The following RNLS variants were observed in gnomAD, a reference collection of about 807,000 sequenced individuals.
The protein encoded by RNLS is renalase.
In RNLS, 39 loss-of-function variants were observed where a neutral mutation model predicts 39.8. The observed-to-expected ratio is 0.98, with a 90% CI of 0.76 to 1.28. The LOEUF is 1.28. Ranked by LOEUF, RNLS falls within the 50% of genes most tolerant of loss-of-function variation. The pLI, the probability that RNLS is intolerant of heterozygous loss-of-function variation, is 0.00. For synonymous variants in RNLS, 147 were observed against 150.7 expected (o/e 0.98, Z 0.18); for missense variants, 410 against 413.3 (o/e 0.99, Z 0.07).
At chr10:88,412,446 A>G (rs911626846) in intron 4 of RNLS, among the ~76,000 whole-genome samples, 1 of 152,114 alleles carries the variant, frequency 6.6e-6, no homozygotes, top group Non-Finnish European at 1.5e-5. Context: ...CTACACTAAT[A>G]TCTCTGTGGT....
the RNLS span, among the ~76,000 whole-genome samples, chr10:88,222,460 T>C: frequency 6.6e-6 from 1 of 152,170 alleles, no homozygotes. Flanking sequence ...GTTTACCCCC[T>C]GACAAGTTAC....
chr10:88,294,009 C>T (rs569397998), intron 6 of RNLS, among the ~76,000 whole-genome samples: 8 of 152,194 alleles, frequency 5.3e-5, no homozygotes, highest in East Asian at 1.9e-4. Flanking sequence ...ACACATGGTT[C>T]GTTTGTTCAC....
rs1222414930 is a variant in RNLS, at chr10:88,362,734, G to GA, written c.527-10dup. The stretch of plus-strand genomic sequence containing the variant: ...TTGGCATTCACTAATTACTGTGGAA[G>GA]AAAAAATAAAAGGCATCAAACTTAA... On this transcript the variant is annotated splice_polypyrimidine_tract_variant and intron_variant, in intron 4 of 6. Transcript: ENST00000331772. 1 of 1,603,372 alleles carries GA rather than the reference G, an allele frequency of 6.2e-7. No individual in the cohort carries two copies.
chr10:88,300,414 G>T (rs543979381), intron 6 of RNLS, among the ~76,000 whole-genome samples: 3 of 152,172 alleles, frequency 2.0e-5, no homozygotes, highest in Non-Finnish European at 4.4e-5. Context: ...TGAGCTACTG[G>T]TCATTCCTCA....
At chr10:88,228,637 A>G in the RNLS span, among the ~76,000 whole-genome samples, 5 of 152,102 alleles carry the variant, frequency 3.3e-5, no homozygotes, top group African/African-American at 9.7e-5. Context: ...CATCTTCTCA[A>G]ATCTGGTTTT....
At chr10:88,251,756 A>G in the RNLS span, among the ~76,000 whole-genome samples, 10 of 152,226 alleles carry the variant, frequency 6.6e-5, no homozygotes, top group African/African-American at 2.4e-4. Flanking sequence ...TGACTTAACT[A>G]TGTGCATTAG....
intron 4 of RNLS, among the ~76,000 whole-genome samples, chr10:88,521,218 C>A (rs1307966765): frequency 6.6e-6 from 1 of 152,026 alleles, no homozygotes; most frequent in Non-Finnish European, 1.5e-5. Context: ...TCTACACCTG[C>A]ATCACTCTAA....
the RNLS span, among the ~76,000 whole-genome samples, chr10:88,202,460 T>G: frequency 3.3e-5 from 5 of 152,092 alleles, no homozygotes; most frequent in Non-Finnish European, 7.4e-5. Flanking sequence ...AAAAAATGTA[T>G]TTTTAGTTTC....
chr10:88,363,244 G>A (rs1190168177), intron 4 of RNLS, among the ~76,000 whole-genome samples: 3 of 152,016 alleles, frequency 2.0e-5, no homozygotes, highest in African/African-American at 7.3e-5. Context: ...GGTCTGTTGG[G>A]GATGGGGGCA....
intron 5 of RNLS, among the ~76,000 whole-genome samples, chr10:88,324,952 A>G (rs1254615792): frequency 6.6e-6 from 1 of 152,200 alleles, no homozygotes; most frequent in Non-Finnish European, 1.5e-5. Flanking sequence ...CTCAAAGTTC[A>G]TATATTTTGT....
chr10:88,321,312 G>A (rs998280720), intron 5 of RNLS, among the ~76,000 whole-genome samples: 21 of 152,040 alleles, frequency 1.4e-4, no homozygotes, highest in Admixed American at 1.2e-3. Flanking sequence ...AGGGCTAAGA[G>A]GAAAGTTTAT....
intron 4 of RNLS, among the ~76,000 whole-genome samples, chr10:88,459,170 CAAG>C (rs1275218145): frequency 2.7e-5 from 4 of 149,572 alleles, no homozygotes; most frequent in South Asian, 2.1e-4. Context: ...GTGGGTAGGA[CAAG>C]AAGAAGTGGG....
the RNLS span, among the ~76,000 whole-genome samples, chr10:88,239,467 C>T: frequency 6.6e-6 from 1 of 152,172 alleles, no homozygotes; most frequent in Non-Finnish European, 1.5e-5. Flanking sequence ...AATAGTTACC[C>T]AAACTCTAGA....
chr10:88,279,669 A>G (rs772776821), downstream of RNLS, among the ~76,000 whole-genome samples: 3 of 152,172 alleles, frequency 2.0e-5, no homozygotes, highest in Non-Finnish European at 4.4e-5. Flanking sequence ...AGATTCACTA[A>G]TCTTCAGCAG....
At chr10:88,510,830 G>C (rs1337360881) in intron 4 of RNLS, among the ~76,000 whole-genome samples, 1 of 149,436 alleles carries the variant, frequency 6.7e-6, no homozygotes, top group Non-Finnish European at 1.5e-5. Context: ...CTGAGCAACA[G>C]AGCAAGATTC....
At chr10:88,378,183 T>C (rs2133484195) in intron 4 of RNLS, among the ~76,000 whole-genome samples, 1 of 152,230 alleles carries the variant, frequency 6.6e-6, no homozygotes, top group South Asian at 2.1e-4. Context: ...CTGAAGGAAC[T>C]GCCTGAGGCC....
chr10:88,363,215 G>C (rs927118903), intron 4 of RNLS, among the ~76,000 whole-genome samples: 30 of 152,150 alleles, frequency 2.0e-4, no homozygotes, highest in Non-Finnish European at 2.4e-4. Context: ...GGATACAAGG[G>C]GGGAATAACA....
At chr10:88,330,147 A>G (rs896453045) in intron 5 of RNLS, among the ~76,000 whole-genome samples, 6 of 148,216 alleles carry the variant, frequency 4.0e-5, no homozygotes, top group Non-Finnish European at 8.9e-5. Context: ...ATTTTATATT[A>G]TCTCTCTCTA....
At chr10:88,416,184 T>C (rs1854011061) in intron 4 of RNLS, among the ~76,000 whole-genome samples, 1 of 150,762 alleles carries the variant, frequency 6.6e-6, no homozygotes, top group South Asian at 2.1e-4. Context: ...CTGACCTTAT[T>C]TTTTCTCTTT....
Sources: allele counts gnomAD v4.1 joint callset (sites outside exome capture counted in the v4.1 genomes callset), GRCh38; gene constraint gnomAD v4.1.1; transcripts MANE v1.5; gene names NCBI Gene and HGNC (gene_info 2026-07-23, HGNC 2026-07-21).